Variants in TBC1D20 observed in about 807,000 individuals in gnomAD.
TBC1D20 encodes the protein chromosome 20 open reading frame 140.
Under a neutral mutation model 41.6 loss-of-function variants are expected in TBC1D20, and 12 were observed. The observed-to-expected ratio is 0.29, with a 90% confidence interval of 0.18 to 0.47. The LOEUF (loss-of-function observed/expected upper bound fraction) is 0.47. Ranked by LOEUF, TBC1D20 falls within the 20% of genes least tolerant of loss-of-function variation. TBC1D20 has a pLI of 1.00. For missense variants in TBC1D20, 421 were observed against 517.4 expected (o/e 0.81, Z 1.81); for synonymous variants, 205 against 204.8 (o/e 1.00, Z -0.01).
At chr20:448,645 T>C (rs1261751087) in intron 1 of TBC1D20, among the ~76,000 whole-genome samples, 1 of 143,844 alleles carries the variant, frequency 7.0e-6, no homozygotes, top group Admixed American at 7.2e-5. Flanking sequence ...GCCGAGATCG[T>C]GCCACTGCAC....
intron 1 of TBC1D20, among the ~76,000 whole-genome samples, chr20:454,093 A>G (rs892122216): frequency 6.6e-6 from 1 of 150,822 alleles, no homozygotes; most frequent in Non-Finnish European, 1.5e-5. Context: ...ATACAAAAAA[A>G]TTAGCCAGGC....
rs1211197298 is a variant in TBC1D20, at chr20:436,326, C to T, written c.*2260G>A. Reference sequence around the variant, plus strand: ...TGTTTATTTGATACAGGGCTCTGTACAAAATATTTACACATATTCTTTACA... The same window carrying T: ...TGTTTATTTGATACAGGGCTCTGTATAAAATATTTACACATATTCTTTACA... On this transcript the variant is annotated 3_prime_UTR_variant, in exon 8 of 8. Transcript: ENST00000354200. 1 of 152,190 alleles carries T rather than the reference C, an allele frequency of 6.6e-6. No individual in the cohort carries two copies. Among genetic ancestry groups the T allele is most frequent in the Non-Finnish European group, 1.5e-5 (1 of 68,016 alleles). The allele number at this position is 152,190 out of a possible 1,614,324, so 9.4% of individuals were successfully genotyped here.
At chr20:451,506 T>A (rs1252708691) in intron 1 of TBC1D20, among the ~76,000 whole-genome samples, 1 of 152,034 alleles carries the variant, frequency 6.6e-6, no homozygotes, top group African/African-American at 2.4e-5. Flanking sequence ...CGAGATAGCG[T>A]CACTGCACTC....
intron 1 of TBC1D20, among the ~76,000 whole-genome samples, chr20:460,843 G>C (rs2017617676): frequency 6.6e-6 from 1 of 152,176 alleles, no homozygotes; most frequent in Non-Finnish European, 1.5e-5. Context: ...GCAAAATCAA[G>C]GAAACTAGAG....
chr20:461,125 T>A (rs1428361802), intron 1 of TBC1D20, among the ~76,000 whole-genome samples: 2 of 152,206 alleles, frequency 1.3e-5, no homozygotes, highest in East Asian at 3.8e-4. Flanking sequence ...ATTAATAACG[T>A]GTTTGGCTCT....
At chr20:448,446 T>C (rs987871837) in intron 1 of TBC1D20, among the ~76,000 whole-genome samples, 9 of 152,124 alleles carry the variant, frequency 5.9e-5, no homozygotes, top group African/African-American at 1.9e-4. Flanking sequence ...ATCCCAGCAC[T>C]TTGGGAGGCC....
chr20:439,319 GCAGT>G lies in TBC1D20; in HGVS notation c.769-28_769-25del, dbSNP rs1287295224. On this transcript the variant is annotated intron_variant, in intron 6 of 7. Transcript: ENST00000354200. The surrounding 1 kb of genome is among the most constrained non-coding windows in gnomAD (Gnocchi z 4.6). ...ATCTGTGGGGAGGTAGTAAAGCCTT[GCAGT>G]CAGAGGCCAGACACACAGGGCCTGG... 1 of 1,571,984 alleles carries G rather than the reference GCAGT, an allele frequency of 6.4e-7. No homozygotes were observed. The highest frequency in any genetic ancestry group is 8.6e-7 in the Non-Finnish European group (1 of 1,157,106).
At chr20:462,290 G>A (rs977885085) in intron 1 of TBC1D20, 46 bp downstream of exon 1, 35 of 1,236,546 alleles carry the variant, frequency 2.8e-5, no homozygotes, top group Admixed American at 3.6e-5. Context: ...CTGCCCCCCG[G>A]GCCGCCCTCG....
chr20:441,540 G>C (rs74535328), intron 5 of TBC1D20, 48 bp downstream of exon 5: 2 of 1,474,550 alleles, frequency 1.4e-6, no homozygotes, highest in South Asian at 1.1e-5. Flanking sequence ...GTGTGGGGGG[G>C]TGTGGGCGTG....
intron 1 of TBC1D20, 67 bp downstream of exon 1, chr20:462,269 G>A (rs1005016565): frequency 3.5e-6 from 4 of 1,128,566 alleles, no homozygotes; most frequent in Admixed American, 4.7e-5. Flanking sequence ...CGCCGCCTCC[G>A]CCAGCTGCCC....
intron 2 of TBC1D20, among the ~76,000 whole-genome samples, chr20:445,794 C>A (rs2017320283): frequency 6.6e-6 from 1 of 152,226 alleles, no homozygotes; most frequent in South Asian, 2.1e-4. Flanking sequence ...ATTTCTCTCA[C>A]AACCCAAATC....
chr20:445,326 G>A (rs538002252), intron 2 of TBC1D20, among the ~76,000 whole-genome samples, 196 bp from the exon 3 acceptor site: 1 of 152,264 alleles, frequency 6.6e-6, no homozygotes, highest in Non-Finnish European at 1.5e-5. Flanking sequence ...AAGTCACAAT[G>A]ACCCTAAGAG....
intron 1 of TBC1D20, among the ~76,000 whole-genome samples, chr20:457,237 T>C (rs2017558556): frequency 6.6e-6 from 1 of 152,084 alleles, no homozygotes; most frequent in African/African-American, 2.4e-5. Context: ...CATCTGGCCC[T>C]TCTTTTTAAT....
At position 447,953 on chromosome 20, in the gene TBC1D20, C is replaced by A; in HGVS notation, c.192G>T (p.Glu64Asp). The A allele has an allele frequency of 6.2e-7, 1 of 1,614,126 alleles. No homozygotes were observed. Among genetic ancestry groups the A allele is most frequent in the African/African-American group, 1.3e-5 (1 of 75,044 alleles). ...GCTTGGGCCACACTTTTCGTCTGAT[C>A]TCATCAGTCAGGAGCCCTCCTTCAC... ...AISEGGLLTD[E>D]IRRKVWPKLL... Residue 64 changes from glutamate to aspartate, a missense_variant, in exon 2 of 8, where the codon GAG becomes GAT. Glu to Asp is a conservative substitution (Grantham distance 45). Transcript: ENST00000354200.
chr20:435,659 C>T lies in TBC1D20; in HGVS notation c.*2927G>A, dbSNP rs1370704738. ...CATGGACAAGTTCTCGTTCCCCTCCCTCCACATGTTCAGCTCTTCAGAAGC... is the reference window on the plus strand; with the variant it reads ...CATGGACAAGTTCTCGTTCCCCTCCTTCCACATGTTCAGCTCTTCAGAAGC... On this transcript the variant is annotated 3_prime_UTR_variant, in exon 8 of 8. Coordinates refer to ENST00000354200, the MANE Select transcript of TBC1D20 (RefSeq NM_144628.4). 2.0e-5 allele frequency: 3 copies of T among 153,388 alleles called. No individual in the cohort carries two copies. The East Asian group carries it at 5.8e-4, about 30-fold the overall frequency. The allele number at this position is 153,388 out of a possible 1,614,324, so 9.5% of individuals were successfully genotyped here.
At chr20:462,145 G>GC (rs948972570) in intron 1 of TBC1D20, among the ~76,000 whole-genome samples, 191 bp downstream of exon 1, 3 of 152,038 alleles carry the variant, frequency 2.0e-5, no homozygotes, top group Non-Finnish European at 4.4e-5. Context: ...ACCCGCCCGA[G>GC]CCCCCCCAGT....
chr20:450,299 C>A lies in TBC1D20; in HGVS notation c.71-2225G>T, dbSNP rs538793981. ...GAGTAGCTGGGATTACAGGCATGCA[C>A]CACCACGCTTTGCTAATTTTTTTTT... On this transcript the variant is annotated intron_variant, in intron 1 of 7. Coordinates refer to ENST00000354200, the MANE Select transcript of TBC1D20 (RefSeq NM_144628.4). 2.0e-5 allele frequency among the ~76,000 whole-genome samples: 3 copies of A among 151,950 alleles called. No individual in the cohort carries two copies. The South Asian group carries it at 6.2e-4, about 32-fold the overall frequency.
chr20:446,943 ATTTTTTTTTTTTTTTTTTTT>A (rs35489596), intron 2 of TBC1D20, among the ~76,000 whole-genome samples: 1 of 75,890 alleles, frequency 1.3e-5, no homozygotes, highest in Non-Finnish European at 2.4e-5. Context: ...CAAAATACGC[ATTTTTTTTTTTTTTTTTTTT>A]TTTTGAGACG....
chr20:439,339 CAG>C lies in TBC1D20; in HGVS notation c.769-46_769-45del. 6.7e-7 allele frequency: 1 copy of C among 1,503,660 alleles called. No homozygotes were observed. Among genetic ancestry groups the C allele is most frequent in the East Asian group, 2.3e-5 (1 of 44,112 alleles). The allele number at this position is 1,503,660 out of a possible 1,614,324, so 93.1% of individuals were successfully genotyped here. On this transcript the variant is annotated intron_variant, in intron 6 of 7. Transcript: ENST00000354200. The surrounding 1 kb of genome is among the most constrained non-coding windows in gnomAD (Gnocchi z 4.6). ...GCCTTGCAGTCAGAGGCCAGACACA[CAG>C]GGCCTGGGCCACCTGCACTCCATTA... is the stretch of plus-strand genomic sequence containing the variant.
Sources: gnomAD v4.1 joint callset for allele counts (sites outside exome capture counted in the v4.1 genomes callset) on GRCh38, gnomAD v4.1.1 for gene constraint, Gnocchi (gnomAD v3.1) non-coding constraint, MANE v1.5 for transcripts, NCBI Gene and HGNC (gene_info 2026-07-23, HGNC 2026-07-21) for gene names.